Variants in GRIK2 observed in about 807,000 individuals in gnomAD.
The protein encoded by GRIK2 is glutamate ionotropic receptor kainate type subunit 2.
A neutral mutation model predicts 100.3 loss-of-function variants in GRIK2; 32 were observed. That is an observed-to-expected ratio of 0.32 (90% CI 0.24 to 0.43). The LOEUF (loss-of-function observed/expected upper bound fraction) is 0.43. GRIK2 is among the 20% of genes least tolerant of loss of function. The probability of loss-of-function intolerance (pLI) is 1.00; values close to 1 mark genes in which losing one functional copy is unlikely to be tolerated. For synonymous variants in GRIK2, 417 were observed against 389.4 expected (o/e 1.07, Z -0.83); for missense variants, 843 against 1,114.9 (o/e 0.76, Z 3.47).
At chr6:101,732,572 T>C (rs1171415278) in intron 7 of GRIK2, among the ~76,000 whole-genome samples, 2 of 152,168 alleles carry the variant, frequency 1.3e-5, no homozygotes, top group East Asian at 3.9e-4. Flanking sequence ...AGATCAAATA[T>C]AGAGAACTGG....
chr6:101,915,057 G>T (rs1789011199), intron 12 of GRIK2, among the ~76,000 whole-genome samples: 1 of 151,346 alleles, frequency 6.6e-6, no homozygotes, highest in Non-Finnish European at 1.5e-5. Flanking sequence ...ATTAATTATA[G>T]CTAGGAAAAT....
At chr6:101,495,895 A>G (rs999106109) in intron 2 of GRIK2, among the ~76,000 whole-genome samples, 1 of 152,012 alleles carries the variant, frequency 6.6e-6, no homozygotes, top group Non-Finnish European at 1.5e-5. Context: ...ACAAAAGCAC[A>G]TAAGAGGAGA....
chr6:101,550,174 T>A (rs997303970), intron 2 of GRIK2, among the ~76,000 whole-genome samples: 1 of 152,246 alleles, frequency 6.6e-6, no homozygotes, highest in African/African-American at 2.4e-5. Context: ...TTAATTTTTA[T>A]TTCAATTAGT....
At chr6:102,067,966 T>C (rs945151366) in intron 16 of GRIK2, among the ~76,000 whole-genome samples, 1 of 151,916 alleles carries the variant, frequency 6.6e-6, no homozygotes, top group Non-Finnish European at 1.5e-5. Flanking sequence ...GTCTATTTTT[T>C]TGTATCAAGA....
chr6:101,486,400 GA>G (rs66744316), intron 2 of GRIK2, among the ~76,000 whole-genome samples: 5 of 133,310 alleles, frequency 3.8e-5, no homozygotes, highest in African/African-American at 1.3e-4. Context: ...GCGGGGGGGG[GA>G]AGCTAAGTAG....
At chr6:101,520,766 A>T (rs950099705) in intron 2 of GRIK2, among the ~76,000 whole-genome samples, 2 of 152,084 alleles carry the variant, frequency 1.3e-5, no homozygotes, top group African/African-American at 4.8e-5. Context: ...AACCTCCTAA[A>T]TATTCTCTAT....
At chr6:101,933,885 G>A (rs764168944) in intron 14 of GRIK2, among the ~76,000 whole-genome samples, 1 of 151,942 alleles carries the variant, frequency 6.6e-6, no homozygotes, top group Non-Finnish European at 1.5e-5. Context: ...AGTTAGGAAT[G>A]AAAAGCAAGT....
chr6:101,572,355 C>T (rs542076768), intron 2 of GRIK2, among the ~76,000 whole-genome samples: 4 of 152,120 alleles, frequency 2.6e-5, no homozygotes, highest in Middle Eastern at 3.4e-3. Context: ...CTCTTTCTCC[C>T]ATCATAATTA....
chr6:101,459,293 T>C (rs965491986), intron 2 of GRIK2, among the ~76,000 whole-genome samples: 2 of 152,200 alleles, frequency 1.3e-5, no homozygotes. Context: ...TTTTAAAACA[T>C]GTTAGACTCA....
At chr6:101,399,987 C>A (rs1775200596) in intron 2 of GRIK2, among the ~76,000 whole-genome samples, 1 of 152,194 alleles carries the variant, frequency 6.6e-6, no homozygotes, top group African/African-American at 2.4e-5. Flanking sequence ...TTCTAAGATT[C>A]GAGGTTCTAC....
chr6:101,544,499 C>T (rs375945303), intron 2 of GRIK2, among the ~76,000 whole-genome samples: 2 of 152,238 alleles, frequency 1.3e-5, no homozygotes, highest in South Asian at 2.1e-4. Flanking sequence ...TGTTGCTTCT[C>T]GAAGACTTTT....
chr6:101,490,057 A>G (rs1773022814), intron 2 of GRIK2, among the ~76,000 whole-genome samples: 1 of 146,546 alleles, frequency 6.8e-6, no homozygotes, highest in Admixed American at 6.8e-5. Context: ...CAGCAATATG[A>G]TAGTCTCATA....
intron 2 of GRIK2, among the ~76,000 whole-genome samples, chr6:101,595,595 C>T (rs1172445123): frequency 6.6e-6 from 1 of 151,100 alleles, no homozygotes; most frequent in African/African-American, 2.4e-5. Context: ...TATATATACA[C>T]ACACACAGGT....
rs10535374 is a variant in GRIK2 at position 101,524,386 on chromosome 6, T to TTA, written c.116-97545_116-97544dup. Among the ~76,000 whole-genome samples the TTA allele has an allele frequency of 3.9e-3, 586 of 149,020 alleles. 1 individual carries two copies. The highest frequency in any genetic ancestry group is 6.0e-3 in the South Asian group (28 of 4,696). ...GTAGAAATATAGTCAATGCCCCATTTTATATATATATATATATATCAATCA... is the reference window on the plus strand; with the variant it reads ...GTAGAAATATAGTCAATGCCCCATTTTATATATATATATATATATATCAATCA... On this transcript the variant is annotated intron_variant, in intron 2 of 16. Transcript: ENST00000369134.
At chr6:101,732,574 G>A (rs990360903) in intron 7 of GRIK2, among the ~76,000 whole-genome samples, 1 of 152,056 alleles carries the variant, frequency 6.6e-6, no homozygotes, top group Non-Finnish European at 1.5e-5. Flanking sequence ...ATCAAATATA[G>A]AGAACTGGCC....
intron 14 of GRIK2, among the ~76,000 whole-genome samples, chr6:102,008,270 A>G (rs1795345839): frequency 6.6e-6 from 1 of 152,100 alleles, no homozygotes; most frequent in Admixed American, 6.6e-5. Context: ...TTTTAGAAAG[A>G]GGACTTGGAA....
chr6:101,507,528 A>G (rs1774087088), intron 2 of GRIK2, among the ~76,000 whole-genome samples: 1 of 152,220 alleles, frequency 6.6e-6, no homozygotes, highest in Non-Finnish European at 1.5e-5. Flanking sequence ...TAAAGTTAAA[A>G]AAGATGAACA....
chr6:101,639,686 CTTTG>C (rs1357833635), intron 4 of GRIK2, among the ~76,000 whole-genome samples: 6 of 152,076 alleles, frequency 3.9e-5, no homozygotes, highest in Admixed American at 1.3e-4. Flanking sequence ...ATAAACTTTA[CTTTG>C]TTTTAAATAT....
At chr6:102,047,280 TAAAC>T (rs1212200161) in intron 15 of GRIK2, among the ~76,000 whole-genome samples, 3 of 151,270 alleles carry the variant, frequency 2.0e-5, no homozygotes, top group African/African-American at 4.9e-5. Flanking sequence ...TTTAAAAAAA[TAAAC>T]AAAATAGACA....
Sources: allele counts gnomAD v4.1 joint callset (sites outside exome capture counted in the v4.1 genomes callset), GRCh38; gene constraint gnomAD v4.1.1; transcripts MANE v1.5; gene names NCBI Gene and HGNC (gene_info 2026-07-23, HGNC 2026-07-21).